The following ABCC11 variants were observed in gnomAD, a reference collection of about 807,000 sequenced individuals.
The protein encoded by ABCC11 is ATP-binding cassette sub-family C member 11.
In ABCC11, 135 loss-of-function variants were observed where a neutral mutation model predicts 149.3. That is an observed-to-expected ratio of 0.90 (90% confidence interval 0.79 to 1.04). The LOEUF is 1.04. ABCC11 is among the 50% of genes least tolerant of loss of function. The pLI, the probability that ABCC11 is intolerant of heterozygous loss-of-function variation, is 0.00. For missense variants in ABCC11, 1,680 were observed against 1,722.1 expected, an observed-to-expected ratio of 0.98 and a Z score of 0.43; for synonymous variants, 665 against 671.4, an observed-to-expected ratio of 0.99 and a Z score of 0.15.
chr16:48,176,840 G>T, intron 25 of ABCC11, 84 bp downstream of exon 25: 1 of 1,440,362 alleles, frequency 6.9e-7, no homozygotes, highest in Non-Finnish European at 9.3e-7. Flanking sequence ...GGGGATGACT[G>T]AGCAAACACA....
chr16:48,245,467 C>T (rs970475170), intron 1 of ABCC11, among the ~76,000 whole-genome samples: 1 of 152,124 alleles, frequency 6.6e-6, no homozygotes, highest in African/African-American at 2.4e-5. Context: ...CACTTTGCAC[C>T]ATGCATGATG....
In ABCC11 at chr16:48,191,570, A is replaced by T. The variant is rs549839167; in HGVS notation, c.2706+950T>A. 3.7e-4 allele frequency among the ~76,000 whole-genome samples: 56 copies of T among 152,320 alleles called. No homozygotes were observed. In the South Asian group the frequency reaches 0.011, roughly 30 times the overall value. On this transcript the variant is annotated intron_variant, in intron 20 of 29. Coordinates refer to ENST00000356608, the MANE Select transcript of ABCC11 (RefSeq NM_001370497.1). ...TCATCTCAATTTTTCTGTAAACGAA[A>T]AGTGCTCAAAAAATAAAGTTGGCTT...
chr16:48,167,715 G>A, intron 28 of ABCC11, 55 bp from the exon 29 acceptor site: 2 of 1,584,604 alleles, frequency 1.3e-6, no homozygotes, highest in Non-Finnish European at 1.7e-6. Context: ...AGAGACCTGG[G>A]TCTAGCCCTG....
At chr16:48,247,085 A>G (rs1971430378) in intron 1 of ABCC11, among the ~76,000 whole-genome samples, 1 of 152,308 alleles carries the variant, frequency 6.6e-6, no homozygotes, top group Non-Finnish European at 1.5e-5. Flanking sequence ...ATAAGAACTC[A>G]TCAGACCATC....
rs751987197 is a variant in ABCC11, at chr16:48,208,493, T to A, written c.1612A>T (p.Met538Leu). Residue 538 changes from methionine to leucine, a missense_variant, in exon 12 of 30, where the codon ATG becomes TTG. By Grantham distance (15) the Met-to-Leu change is conservative. Coordinates refer to ENST00000356608, the MANE Select transcript of ABCC11 (RefSeq NM_001370497.1). ...HKINLVVSKG[M>L]MLGVCGNTGS... is the part of the protein sequence containing the mutation. ...GTGTTGCCGCAGACCCCTAACATCA[T>A]CCCCTGCAAGCCAAGGAGGACATAC... 11 of 1,613,768 alleles carry A rather than the reference T, an allele frequency of 6.8e-6. No individual in the cohort carries two copies. Among genetic ancestry groups the A allele is most frequent in the Non-Finnish European group, 9.3e-6 (11 of 1,179,968 alleles).
Position 48,200,593 on chromosome 16 carries a change from A to C in ABCC11, c.1879-114T>G. On this transcript the variant is annotated intron_variant, in intron 14 of 29. Coordinates refer to ENST00000356608, the MANE Select transcript of ABCC11 (RefSeq NM_001370497.1). ...CCCCTCAGTACAGACCAAGATATGCACACACTCCAGGATACCTGATAATTT... is the reference window on the plus strand; with the variant it reads ...CCCCTCAGTACAGACCAAGATATGCCCACACTCCAGGATACCTGATAATTT... 3.8e-6 allele frequency: 4 copies of C among 1,055,632 alleles called. No homozygotes were observed. In the Middle Eastern group the frequency reaches 6.2e-4, roughly 164 times the overall value. 65.4% of individuals were successfully genotyped at this position (1,055,632 alleles called of 1,614,324 possible). A position where few individuals can be genotyped will look rare whatever the true frequency, so the allele number is the denominator to read the frequency against.
intron 20 of ABCC11, among the ~76,000 whole-genome samples, chr16:48,190,226 G>A (rs1966862337): frequency 6.6e-6 from 1 of 152,108 alleles, no homozygotes. Flanking sequence ...ATCCATGATG[G>A]CCCAAACCCT....
At chr16:48,210,407 A>G (rs954730033) in intron 11 of ABCC11, 6 of 152,500 alleles carry the variant, frequency 3.9e-5, no homozygotes, top group African/African-American at 1.2e-4. Flanking sequence ...TATTTTTTAG[A>G]CATTTATCAT....
intron 4 of ABCC11, 62 bp from the exon 5 acceptor site, chr16:48,224,491 T>C (rs939120897): frequency 7.8e-5 from 122 of 1,570,830 alleles, no homozygotes; most frequent in Non-Finnish European, 8.5e-5. Flanking sequence ...AACATCCTAG[T>C]TCTTGCTAGC....
At position 48,187,197 on chromosome 16, in the gene ABCC11, T is replaced by C. The variant is rs778586275; in HGVS notation, c.2933+4A>G. ...CAAGTCACAAGCAAAAAGAACCTAC[T>C]CACATATAATAAATGAAGCAAATAA... On this transcript the variant is annotated splice_donor_region_variant and intron_variant, in intron 21 of 29. Transcript: ENST00000356608. 8 of 1,613,916 alleles carry C rather than the reference T, an allele frequency of 5.0e-6. No individual in the cohort carries two copies. Among genetic ancestry groups the C allele is most frequent in the Middle Eastern group, 1.7e-4 (1 of 6,060 alleles).
rs1254839529 is a variant in ABCC11, at chr16:48,167,132, C to G, written c.*142G>C. 3.5e-6 allele frequency: 2 copies of G among 577,082 alleles called. No individual in the cohort carries two copies. Among genetic ancestry groups the G allele is most frequent in the Admixed American group, 2.6e-5 (1 of 39,098 alleles). 35.7% of individuals were successfully genotyped at this position (577,082 alleles called of 1,614,324 possible). A position where few individuals can be genotyped will look rare whatever the true frequency, so the allele number is the denominator to read the frequency against. On this transcript the variant is annotated 3_prime_UTR_variant, in exon 30 of 30. Coordinates refer to ENST00000356608, the MANE Select transcript of ABCC11 (RefSeq NM_001370497.1). ...TATTCCAGGGTTTCCATCCAGCAATCCCCACCCCCCCTACATTTACCCCTG... is the reference window on the plus strand; with the variant it reads ...TATTCCAGGGTTTCCATCCAGCAATGCCCACCCCCCCTACATTTACCCCTG...
chr16:48,184,609 T>C lies in ABCC11; in HGVS notation c.3089A>G (p.Asp1030Gly). The change falls in exon 23 of 30, where the codon GAT becomes GGT. Residue 1030 changes from aspartate to glycine, a missense_variant. Asp to Gly is a moderately conservative substitution (Grantham distance 94). Transcript: ENST00000356608. ...CAACAGCAGGTAGTTATTCTGCGCA[T>C]CAGTCAGCCTCTTAAACCTGAGAAG... is the stretch of plus-strand genomic sequence containing the variant. ...DFISQFKRLTDAQNNYLLLFL... is the reference protein window; with the variant it reads ...DFISQFKRLTGAQNNYLLLFL... The C allele has an allele frequency of 1.2e-6, 2 of 1,614,148 alleles. No homozygotes were observed. The highest frequency in any genetic ancestry group is 1.7e-6 in the Non-Finnish European group (2 of 1,179,976).
chr16:48,193,416 A>G (rs1967097597), intron 19 of ABCC11, among the ~76,000 whole-genome samples: 1 of 152,128 alleles, frequency 6.6e-6, no homozygotes, highest in Non-Finnish European at 1.5e-5. Flanking sequence ...CATCCTCTCT[A>G]GGCACAGGGT....
chr16:48,244,688 C>T (rs919352181), intron 1 of ABCC11: 3 of 1,140,364 alleles, frequency 2.6e-6, no homozygotes, highest in African/African-American at 1.6e-5. Flanking sequence ...GGGCCCAGGC[C>T]ACGGCCTGCC....
chr16:48,210,823 A>G, intron 11 of ABCC11, 125 bp downstream of exon 11: 1 of 1,305,252 alleles, frequency 7.7e-7, no homozygotes. Context: ...TTTGAATTTT[A>G]AGGGGAGAGA....
At chr16:48,186,586 T>C (rs1966758712) in intron 22 of ABCC11, among the ~76,000 whole-genome samples, 4 of 152,220 alleles carry the variant, frequency 2.6e-5, no homozygotes, top group Admixed American at 2.6e-4. Context: ...TAGAAAGCTA[T>C]TGTTCCTCAT....
intron 15 of ABCC11, among the ~76,000 whole-genome samples, chr16:48,199,537 C>G (rs1567510852): frequency 6.6e-6 from 1 of 152,062 alleles, no homozygotes; most frequent in Non-Finnish European, 1.5e-5. Flanking sequence ...AGAAGCACCA[C>G]CAGAAGCAGT....
At chr16:48,230,722 C>A in intron 2 of ABCC11, 149 bp from the exon 3 acceptor site, 2 of 975,410 alleles carry the variant, frequency 2.1e-6, no homozygotes, top group South Asian at 2.1e-5. Flanking sequence ...AGCAGGGGAC[C>A]GAGAGTCAGG....
chr16:48,224,329 C>T lies in ABCC11; in HGVS notation c.496G>A (p.Asp166Asn), dbSNP rs769540170. The part of the protein sequence containing the change: ...LRFQRTRLIF[D>N]ALLGICFCIA... ...CAGAAGCAGATGCCCAGAAGTGCAT[C>T]GAAAATCAACCTTGTTCTCTGGAAC... Residue 166 changes from aspartate to asparagine, a missense_variant, in exon 5 of 30, where the codon GAT (aspartate) becomes AAT (asparagine). Coordinates refer to ENST00000356608, the MANE Select transcript of ABCC11 (RefSeq NM_001370497.1). The T allele has an allele frequency of 6.8e-6, 11 of 1,614,032 alleles. No individual in the cohort carries two copies. The highest frequency in any genetic ancestry group is 2.7e-5 in the African/African-American group (2 of 74,916).
Sources: gnomAD v4.1 joint callset for allele counts (sites outside exome capture counted in the v4.1 genomes callset) on GRCh38, gnomAD v4.1.1 for gene constraint, MANE v1.5 for transcripts, NCBI Gene and HGNC (gene_info 2026-07-23, HGNC 2026-07-21) for gene names.